PLXNA2: variants seen among roughly 807,000 people sequenced by gnomAD.
The protein encoded by PLXNA2 is plexin-A2.
In PLXNA2, 91 loss-of-function variants were observed where a neutral mutation model predicts 193.5. The ratio of observed to expected loss-of-function variants is 0.47; its 90% CI spans 0.40 to 0.56. PLXNA2 has a LOEUF of 0.56. PLXNA2 is among the 20% of genes least tolerant of loss of function. The probability of loss-of-function intolerance (pLI) is 0.00; values close to 1 mark genes in which losing one functional copy is unlikely to be tolerated. For synonymous variants in PLXNA2, 997 were observed against 1,027.3 expected (o/e 0.97, Z 0.56); for missense variants, 1,995 against 2,503.2 (o/e 0.80, Z 4.33).
At chr1:208,176,770 G>C (rs572645665) in intron 3 of PLXNA2, among the ~76,000 whole-genome samples, 4 of 152,290 alleles carry the variant, frequency 2.6e-5, no homozygotes, top group South Asian at 2.1e-4. Flanking sequence ...GACCTTAAAG[G>C]GTTTCCCCTT....
intron 3 of PLXNA2, among the ~76,000 whole-genome samples, chr1:208,181,338 T>C (rs1460468854): frequency 1.3e-5 from 2 of 152,180 alleles, no homozygotes; most frequent in African/African-American, 4.8e-5. Flanking sequence ...CTCTGGTCTT[T>C]CCTTCAGGGG....
At chr1:208,097,028 G>A (rs1294735531) in intron 6 of PLXNA2, 145 bp from the exon 7 acceptor site, 13 of 635,100 alleles carry the variant, frequency 2.0e-5, no homozygotes, top group Admixed American at 3.0e-5. Context: ...TGGTCTTCCA[G>A]CTTTGAACAC....
chr1:208,150,996 G>A (rs1208644424), intron 3 of PLXNA2, among the ~76,000 whole-genome samples: 4 of 152,324 alleles, frequency 2.6e-5, no homozygotes, highest in Non-Finnish European at 4.4e-5. Context: ...TTTAAACACT[G>A]CTCCAGCTTT....
At chr1:208,180,400 A>T (rs963938553) in intron 3 of PLXNA2, among the ~76,000 whole-genome samples, 1 of 152,118 alleles carries the variant, frequency 6.6e-6, no homozygotes, top group African/African-American at 2.4e-5. Context: ...GAAGGCAGAG[A>T]AAACAGGTTC....
At chr1:208,063,442 T>C (rs1665680054) in intron 12 of PLXNA2, among the ~76,000 whole-genome samples, 1 of 152,226 alleles carries the variant, frequency 6.6e-6, no homozygotes. Context: ...TTATATTGTT[T>C]AGAGAAGAAG....
Position 208,023,701 on chromosome 1 carries a change from A to G in PLXNA2, c.*3542T>C, listed in dbSNP as rs1664254754. The G allele has an allele frequency of 6.6e-6, 1 of 152,288 alleles. No individual in the cohort carries two copies. The allele number at this position is 152,288 out of a possible 1,614,324, so 9.4% of individuals were successfully genotyped here. On this transcript the variant is annotated 3_prime_UTR_variant, in exon 32 of 32. Transcript: ENST00000367033. ...TACCCTGTGCCACTAGGGGAGGAGAACTGTTGCCTGCTAAGTTGGTGGCAG... is the reference window on the plus strand; with the variant it reads ...TACCCTGTGCCACTAGGGGAGGAGAGCTGTTGCCTGCTAAGTTGGTGGCAG...
Position 208,217,219 on chromosome 1 carries a change from A to G in PLXNA2, c.704T>C (p.Leu235Pro). 6.2e-7 allele frequency: 1 copy of G among 1,614,208 alleles called. No individual in the cohort carries two copies. Among genetic ancestry groups the G allele is most frequent in the Non-Finnish European group, 8.5e-7 (1 of 1,180,034 alleles). The change falls in exon 2 of 32, where the codon CTG becomes CCG. Residue 235 changes from leucine (L) to proline (P), a missense_variant. This residue lies in a region of PLXNA2 where 702 missense variants were observed against 812.9 expected (regional missense o/e 0.86). Transcript: ENST00000367033. This position sits in a 1 kb window ranked among gnomAD's most constrained non-coding sequence, Gnocchi z 4.7. Reference sequence around the variant, plus strand: ...GTAGAAGATGTCAAAGTGGGAGACCAGGGCCAGGGTGTCTGAAGGGATCTT... The same window carrying G: ...GTAGAAGATGTCAAAGTGGGAGACCGGGGCCAGGGTGTCTGAAGGGATCTT... ...LIKIPSDTLALVSHFDIFYIY... is the reference protein window; with the variant it reads ...LIKIPSDTLAPVSHFDIFYIY...
chr1:208,029,989 C>T, intron 29 of PLXNA2: 1 of 985,438 alleles, frequency 1.0e-6, no homozygotes, highest in South Asian at 4.7e-5. Context: ...GCTTCTTCTT[C>T]TCTCCCCTCC....
At chr1:208,200,583 T>C (rs935791316) in intron 3 of PLXNA2, among the ~76,000 whole-genome samples, 18 of 147,082 alleles carry the variant, frequency 1.2e-4, no homozygotes, top group East Asian at 6.0e-4. Flanking sequence ...CCTTCTTTTT[T>C]TTTTTTTTTT....
intron 3 of PLXNA2, among the ~76,000 whole-genome samples, chr1:208,203,532 C>A (rs994297721): frequency 6.6e-6 from 1 of 152,180 alleles, no homozygotes; most frequent in African/African-American, 2.4e-5. Flanking sequence ...GAATGAGTGG[C>A]TATTGTTTGG....
At chr1:208,054,613 T>C (rs540257651) in intron 13 of PLXNA2, 75 bp from the exon 14 acceptor site, 6 of 1,003,010 alleles carry the variant, frequency 6.0e-6, no homozygotes, top group Admixed American at 1.7e-5. Flanking sequence ...CTCCCAGTCA[T>C]GGCAAATGAC....
intron 1 of PLXNA2, among the ~76,000 whole-genome samples, chr1:208,238,830 C>CGG (rs758379853): frequency 4.6e-5 from 7 of 152,190 alleles, no homozygotes; most frequent in Admixed American, 1.3e-4. Flanking sequence ...GAAGGCCCCT[C>CGG]GGGGTTGGGT....
At chr1:208,208,831 C>T (rs995691178) in intron 3 of PLXNA2, among the ~76,000 whole-genome samples, 1 of 152,162 alleles carries the variant, frequency 6.6e-6, no homozygotes, top group African/African-American at 2.4e-5. Flanking sequence ...ATTTCAACTC[C>T]CACTAGGCCC....
At chr1:208,035,001 A>G (rs577587818) in intron 26 of PLXNA2, among the ~76,000 whole-genome samples, 11 of 152,326 alleles carry the variant, frequency 7.2e-5, no homozygotes, top group African/African-American at 2.6e-4. Context: ...TAAAATATGT[A>G]ACATTAATTG....
At chr1:208,185,583 C>T (rs997960402) in intron 3 of PLXNA2, among the ~76,000 whole-genome samples, 2 of 151,054 alleles carry the variant, frequency 1.3e-5, no homozygotes, top group African/African-American at 4.9e-5. Flanking sequence ...ATCTTGCTTC[C>T]AGTAACCCAA....
chr1:208,064,507 T>C (rs1403533575), intron 12 of PLXNA2, among the ~76,000 whole-genome samples: 1 of 152,206 alleles, frequency 6.6e-6, no homozygotes, highest in Non-Finnish European at 1.5e-5. Context: ...CATCACGCTG[T>C]TTAAAAATCC....
chr1:208,123,739 T>C (rs1667877927), intron 4 of PLXNA2, among the ~76,000 whole-genome samples: 1 of 152,226 alleles, frequency 6.6e-6, no homozygotes, highest in African/African-American at 2.4e-5. Flanking sequence ...GTTAAGACTG[T>C]AGCCTTAGGA....
intron 4 of PLXNA2, among the ~76,000 whole-genome samples, chr1:208,129,268 C>G (rs1668073729): frequency 6.6e-6 from 1 of 152,148 alleles, no homozygotes; most frequent in Non-Finnish European, 1.5e-5. Context: ...GGAGCTCTGC[C>G]AGAGCTAGCA....
At chr1:208,155,973 C>T (rs771726962) in intron 3 of PLXNA2, among the ~76,000 whole-genome samples, 15 of 152,138 alleles carry the variant, frequency 9.9e-5, no homozygotes, top group Non-Finnish European at 2.1e-4. Flanking sequence ...CCCCATGAAG[C>T]GCAGTGAAGG....
Sources: gnomAD v4.1 joint callset for allele counts (sites outside exome capture counted in the v4.1 genomes callset) on GRCh38, gnomAD v4.1.1 for gene constraint, gnomAD v4.1.1 regional missense constraint, Gnocchi (gnomAD v3.1) non-coding constraint, MANE v1.5 for transcripts, NCBI Gene and HGNC (gene_info 2026-07-23, HGNC 2026-07-21) for gene names.